NRK: variants seen among roughly 807,000 people sequenced by gnomAD.
NRK encodes the protein nik-related protein kinase.
A neutral mutation model predicts 125.2 loss-of-function variants in NRK; 67 were observed. That is an observed-to-expected ratio of 0.54 (90% CI 0.44 to 0.66). NRK has a LOEUF of 0.66. NRK is among the 30% of genes least tolerant of loss of function. The pLI, the probability that NRK is intolerant of heterozygous loss-of-function variation, is 0.00. For missense variants in NRK, 1,224 were observed against 1,192.9 expected (o/e 1.03, Z -0.38); for synonymous variants, 458 against 429.0 (o/e 1.07, Z -0.84).
chrX:105,921,869 A>G, intron 16 of NRK, 95 bp from the exon 17 acceptor site: 1 of 378,238 alleles, frequency 2.6e-6, no homozygotes, highest in Non-Finnish European at 4.7e-6. Flanking sequence ...AAAAAAAAAA[A>G]GAAAAAAAAC....
intron 24 of NRK, among the ~76,000 whole-genome samples, 193 bp downstream of exon 24, chrX:105,944,234 C>T (rs930023346): frequency 5.4e-5 from 6 of 110,828 alleles, no homozygotes; most frequent in Admixed American, 4.8e-4. Flanking sequence ...CTCACTCTGG[C>T]CCAGGCTAGA....
intron 2 of NRK, among the ~76,000 whole-genome samples, chrX:105,839,785 G>A (rs1044295743): frequency 1.8e-5 from 2 of 111,134 alleles, no homozygotes; most frequent in Non-Finnish European, 3.8e-5. Context: ...CTGTATGACC[G>A]TGACCGCTTT....
Position 105,955,765 on chromosome X carries a change from T to C in NRK, c.*165T>C, listed in dbSNP as rs1298517319. Reference sequence around the variant, plus strand: ...AATAGTTTTAATGAGAAATGCAGCTTTATGTATAAAATTAACTATAGCAAG... The same window carrying C: ...AATAGTTTTAATGAGAAATGCAGCTCTATGTATAAAATTAACTATAGCAAG... On this transcript the variant is annotated 3_prime_UTR_variant, in exon 29 of 29. Coordinates refer to ENST00000243300, the MANE Select transcript of NRK (RefSeq NM_198465.4). 2 of 393,556 alleles carry C rather than the reference T, an allele frequency of 5.1e-6. No individual in the cohort carries two copies. Among genetic ancestry groups the C allele is most frequent in the Non-Finnish European group, 9.0e-6 (2 of 222,571 alleles). 32.4% of individuals were successfully genotyped at this position (393,556 alleles called of 1,213,427 possible). A position where few individuals can be genotyped will look rare whatever the true frequency, so the allele number is the denominator to read the frequency against.
At chrX:105,845,454 G>A (rs143408950) in intron 2 of NRK, among the ~76,000 whole-genome samples, 1,729 of 111,515 alleles carry the variant, frequency 0.016, 34 homozygotes, top group African/African-American at 0.053. Flanking sequence ...GCCAGATTTG[G>A]CAAATAAAAA....
chrX:105,889,653 A>C, intron 5 of NRK, among the ~76,000 whole-genome samples: 1 of 112,711 alleles, frequency 8.9e-6, no homozygotes, highest in Non-Finnish European at 1.9e-5. Context: ...CCAAACCTCA[A>C]GTCTTGATTT....
At chrX:105,828,787 CA>C (rs1374113844) in intron 1 of NRK, among the ~76,000 whole-genome samples, 1 of 111,571 alleles carries the variant, frequency 9.0e-6, no homozygotes, top group Non-Finnish European at 1.9e-5. Flanking sequence ...TGAGTTATAA[CA>C]AAAGTGATAT....
chrX:105,905,759 A>G lies in NRK; in HGVS notation c.845+416A>G, dbSNP rs1267493733. Among the ~76,000 whole-genome samples the G allele has an allele frequency of 2.7e-5, 3 of 112,358 alleles. No homozygotes were observed. In the Admixed American group the frequency reaches 2.8e-4, roughly 11 times the overall value. ...TGTTTTCCCAGGGCACTTACATGCC[A>G]GCTAAACTTGGGAATCCTTCTCTCT... On this transcript the variant is annotated intron_variant, in intron 10 of 28. Coordinates refer to ENST00000243300, the MANE Select transcript of NRK (RefSeq NM_198465.4).
At chrX:105,849,491 C>A (rs1044081543) in intron 2 of NRK, among the ~76,000 whole-genome samples, 10 of 111,379 alleles carry the variant, frequency 9.0e-5, no homozygotes, top group African/African-American at 2.9e-4. Flanking sequence ...CCCAAAAGTC[C>A]GTAGTCCCGT....
chrX:105,944,520 G>A (rs767135201), intron 24 of NRK, among the ~76,000 whole-genome samples: 11 of 111,532 alleles, frequency 9.9e-5, no homozygotes, highest in African/African-American at 1.3e-4. Context: ...CCCCACCAGC[G>A]CCTCACTCCC....
intron 7 of NRK, 130 bp downstream of exon 7, chrX:105,895,653 C>T (rs2147728905): frequency 2.2e-6 from 1 of 448,980 alleles, no homozygotes; most frequent in African/African-American, 2.4e-5. Flanking sequence ...TCCCTGCCTG[C>T]AAAACCAGTC....
chrX:105,830,630 C>T (rs1403278231), intron 1 of NRK, among the ~76,000 whole-genome samples: 2 of 110,904 alleles, frequency 1.8e-5, no homozygotes, highest in Non-Finnish European at 3.8e-5. Flanking sequence ...GGAAATACCA[C>T]TTAAGATAGT....
intron 8 of NRK, 39 bp downstream of exon 8, chrX:105,898,753 G>A (rs2040118300): frequency 1.9e-6 from 2 of 1,061,035 alleles, no homozygotes; most frequent in Non-Finnish European, 2.5e-6. Context: ...TTACAATTTG[G>A]AAAGGATTTT....
chrX:105,899,858 C>T (rs991280898), intron 8 of NRK, among the ~76,000 whole-genome samples: 1 of 110,237 alleles, frequency 9.1e-6, no homozygotes, highest in South Asian at 4.0e-4. Flanking sequence ...ATCCTAGCTA[C>T]TCGGGAGGCT....
At chrX:105,908,565 G>A (rs995179218) in intron 12 of NRK, among the ~76,000 whole-genome samples, 162 bp from the exon 13 acceptor site, 14 of 112,344 alleles carry the variant, frequency 1.2e-4, no homozygotes, top group African/African-American at 3.9e-4. Flanking sequence ...AATGTTACCT[G>A]CAGAATATTT....
At chrX:105,889,540 C>G (rs868100375) in intron 5 of NRK, among the ~76,000 whole-genome samples, 1 of 112,371 alleles carries the variant, frequency 8.9e-6, no homozygotes, top group African/African-American at 3.2e-5. Context: ...CCCTTCTACA[C>G]TGCCCTAACA....
intron 5 of NRK, among the ~76,000 whole-genome samples, chrX:105,891,146 A>G (rs989497090): frequency 9.0e-6 from 1 of 111,606 alleles, no homozygotes; most frequent in African/African-American, 3.3e-5. Context: ...CATAACTCCT[A>G]AGAAACTCTT....
intron 2 of NRK, among the ~76,000 whole-genome samples, chrX:105,879,408 T>G (rs2039858002): frequency 9.0e-6 from 1 of 110,920 alleles, no homozygotes; most frequent in Admixed American, 9.7e-5. Context: ...TGACTACAGT[T>G]TGGAATATGT....
At chrX:105,852,085 A>G (rs1391085926) in intron 2 of NRK, among the ~76,000 whole-genome samples, 1 of 112,067 alleles carries the variant, frequency 8.9e-6, no homozygotes, top group Admixed American at 9.5e-5. Context: ...GACTTTCTCA[A>G]TCTTTTTTGC....
At chrX:105,826,069 T>TACAC (rs2039090053) in intron 1 of NRK, among the ~76,000 whole-genome samples, 1 of 98,714 alleles carries the variant, frequency 1.0e-5, no homozygotes, top group Non-Finnish European at 2.0e-5. Flanking sequence ...TATATATATA[T>TACAC]ATACACATAC....
Sources: gnomAD v4.1 joint callset for allele counts (sites outside exome capture counted in the v4.1 genomes callset) on GRCh38, gnomAD v4.1.1 for gene constraint, MANE v1.5 for transcripts, NCBI Gene and HGNC (gene_info 2026-07-23, HGNC 2026-07-21) for gene names.